Variants in BAZ2B observed in about 807,000 individuals in gnomAD.
BAZ2B encodes bromodomain adjacent to zinc finger domain protein 2B.
A neutral mutation model predicts 246.0 loss-of-function variants in BAZ2B; 91 were observed. The observed-to-expected ratio is 0.37, with a 90% CI of 0.31 to 0.44. The LOEUF is 0.44. Among genes scored for constraint, BAZ2B ranks in the 20% least tolerant of loss-of-function variants. BAZ2B has a pLI of 1.00. For missense variants in BAZ2B, 2,332 were observed against 2,533.7 expected (o/e 0.92, Z 1.71); for synonymous variants, 855 against 860.0 (o/e 0.99, Z 0.10).
rs138471028 is a variant in BAZ2B, at chr2:159,538,626, T to A, written c.-3+17197A>T. 3.3e-3 allele frequency among the ~76,000 whole-genome samples: 505 copies of A among 152,236 alleles called. 4 individuals are homozygous for A. The highest frequency in any genetic ancestry group is 0.011 in the African/African-American group (468 of 41,542). On this transcript the variant is annotated intron_variant, in intron 2 of 36. Transcript: ENST00000392783. ...AAGCATTGTATATCTATACCTAGGG[T>A]TTTGAATTGGGGAAAGATCTAGGCA...
At chr2:159,691,708 T>C in the BAZ2B span, among the ~76,000 whole-genome samples, 61,738 of 152,014 alleles carry the variant, frequency 0.41, 13,089 homozygotes, top group African/African-American at 0.51. Flanking sequence ...ATGGATCCTA[T>C]AGTGTTACTC....
upstream of BAZ2B, among the ~76,000 whole-genome samples, chr2:159,619,286 A>G (rs1385501643): frequency 6.6e-6 from 1 of 151,894 alleles, no homozygotes; most frequent in Non-Finnish European, 1.5e-5. Flanking sequence ...AACTTATAAC[A>G]AAATACATCT....
At chr2:159,380,185 T>G (rs2061837031) in intron 25 of BAZ2B, among the ~76,000 whole-genome samples, 1 of 152,164 alleles carries the variant, frequency 6.6e-6, no homozygotes, top group Non-Finnish European at 1.5e-5. Flanking sequence ...TTGACTCTTT[T>G]CTTTCCATCA....
At chr2:159,640,441 A>G in the BAZ2B span, among the ~76,000 whole-genome samples, 16 of 152,284 alleles carry the variant, frequency 1.1e-4, no homozygotes, top group African/African-American at 3.6e-4. Context: ...GATAGACCAT[A>G]AATTAGGTCA....
At chr2:159,642,491 G>T in the BAZ2B span, among the ~76,000 whole-genome samples, 1 of 151,688 alleles carries the variant, frequency 6.6e-6, no homozygotes, top group Non-Finnish European at 1.5e-5. Flanking sequence ...CACCCGCCTC[G>T]GCCTCCCAAA....
intron 2 of BAZ2B, among the ~76,000 whole-genome samples, chr2:159,543,835 A>G (rs2086959772): frequency 6.6e-6 from 1 of 152,216 alleles, no homozygotes; most frequent in Admixed American, 6.5e-5. Context: ...CGCCTGGCCA[A>G]CAATTCTTTC....
the BAZ2B span, among the ~76,000 whole-genome samples, chr2:159,663,498 C>T: frequency 6.7e-6 from 1 of 149,090 alleles, no homozygotes; most frequent in African/African-American, 2.5e-5. Flanking sequence ...CCACCACGCA[C>T]AGCCTGTTGC....
In BAZ2B at chr2:159,337,150, C is replaced by T; in HGVS notation, c.5661-73G>A. 18 of 1,508,824 alleles carry T rather than the reference C, an allele frequency of 1.2e-5. No homozygotes were observed. In the South Asian group the frequency reaches 1.9e-4, roughly 16 times the overall value. The allele number at this position is 1,508,824 out of a possible 1,614,324, so 93.5% of individuals were successfully genotyped here. ...ATTACGGAATGTGAAACAATCATCA[C>T]ACTGAAAGCCAAGCAATGACAAAAA... On this transcript the variant is annotated intron_variant, in intron 32 of 36. Coordinates refer to ENST00000392783, the MANE Select transcript of BAZ2B (RefSeq NM_013450.4).
At chr2:159,552,651 G>A (rs1161025619) in intron 2 of BAZ2B, among the ~76,000 whole-genome samples, 2 of 152,046 alleles carry the variant, frequency 1.3e-5, no homozygotes, top group Non-Finnish European at 2.9e-5. Context: ...GCTTCCTGTG[G>A]TTAAATTATA....
chr2:159,540,782 T>C (rs1404406632), intron 2 of BAZ2B, among the ~76,000 whole-genome samples: 7 of 152,206 alleles, frequency 4.6e-5, no homozygotes, highest in Non-Finnish European at 1.5e-5. Flanking sequence ...CCTTCATTGT[T>C]AGTTCTCCCT....
chr2:159,579,917 C>G (rs1222708626), intron 1 of BAZ2B, among the ~76,000 whole-genome samples: 1 of 152,138 alleles, frequency 6.6e-6, no homozygotes, highest in Non-Finnish European at 1.5e-5. Context: ...TGGGATGTAT[C>G]TCAAAATAAT....
the BAZ2B span, among the ~76,000 whole-genome samples, chr2:159,624,197 A>G: frequency 6.6e-6 from 1 of 152,210 alleles, no homozygotes; most frequent in African/African-American, 2.4e-5. Flanking sequence ...AGCCCCAGTC[A>G]GGGGCTTATA....
chr2:159,530,964 T>C (rs1381723946), intron 2 of BAZ2B, among the ~76,000 whole-genome samples: 2 of 143,850 alleles, frequency 1.4e-5, no homozygotes, highest in East Asian at 3.9e-4. Flanking sequence ...AGACTCCGTC[T>C]CAAAACAAAC....
intron 2 of BAZ2B, among the ~76,000 whole-genome samples, chr2:159,510,540 TGATGGTTGTACA>T (rs2082813782): frequency 1.3e-5 from 2 of 152,146 alleles, no homozygotes; most frequent in Non-Finnish European, 2.9e-5. Context: ...AATACACTAA[TGATGGTTGTACA>T]GCGCTGTGAA....
chr2:159,559,260 G>C (rs2089574790), intron 1 of BAZ2B, among the ~76,000 whole-genome samples: 1 of 151,716 alleles, frequency 6.6e-6, no homozygotes, highest in East Asian at 1.9e-4. Flanking sequence ...AAAGAAGGTG[G>C]CCACGGAGAT....
At chr2:159,315,403 T>C (rs1050225057), downstream of BAZ2B, among the ~76,000 whole-genome samples, 24 of 152,252 alleles carry the variant, frequency 1.6e-4, no homozygotes, top group African/African-American at 5.1e-4. Flanking sequence ...TGGCTCAGGG[T>C]TGCTTATGAA....
At chr2:159,368,726 A>G (rs964704258) in intron 27 of BAZ2B, among the ~76,000 whole-genome samples, 4 of 152,080 alleles carry the variant, frequency 2.6e-5, no homozygotes, top group Non-Finnish European at 5.9e-5. Flanking sequence ...GTAACAATCG[A>G]AGAATTCATA....
chr2:159,559,195 T>C (rs1169933346), intron 1 of BAZ2B, among the ~76,000 whole-genome samples: 1 of 151,974 alleles, frequency 6.6e-6, no homozygotes, highest in East Asian at 1.9e-4. Flanking sequence ...CAGTGAGCTC[T>C]GATCGTACTA....
intron 1 of BAZ2B, among the ~76,000 whole-genome samples, chr2:159,582,248 T>C (rs1293267687): frequency 1.3e-5 from 2 of 152,244 alleles, no homozygotes; most frequent in Non-Finnish European, 2.9e-5. Flanking sequence ...TGAAAGAATG[T>C]ACAGCAAACC....
Sources: gnomAD v4.1 joint callset for allele counts (sites outside exome capture counted in the v4.1 genomes callset) on GRCh38, gnomAD v4.1.1 for gene constraint, MANE v1.5 for transcripts, NCBI Gene and HGNC (gene_info 2026-07-23, HGNC 2026-07-21) for gene names.